The following TENM2 variants were observed in gnomAD, a reference collection of about 807,000 sequenced individuals.
TENM2 encodes the protein teneurin-2.
TENM2 carries 52 observed loss-of-function variants against 245.2 expected under a neutral mutation model. The ratio of observed to expected loss-of-function variants is 0.21; its 90% CI spans 0.17 to 0.27. The LOEUF is 0.27. Ranked by LOEUF, TENM2 falls within the 10% of genes least tolerant of loss-of-function variation. The probability of loss-of-function intolerance (pLI) is 1.00; values close to 1 mark genes in which losing one functional copy is unlikely to be tolerated. For synonymous variants in TENM2, 1,363 were observed against 1,438.9 expected (o/e 0.95, Z 1.19); for missense variants, 3,046 against 3,666.8 (o/e 0.83, Z 4.37).
chr5:167,316,976 A>C, intron 1 of TENM2, among the ~76,000 whole-genome samples: 1 of 152,090 alleles, frequency 6.6e-6, no homozygotes, highest in East Asian at 1.9e-4. Flanking sequence ...ACACCCCCTA[A>C]TACCAATGTC....
chr5:167,601,194 T>A (rs887082982), intron 2 of TENM2, among the ~76,000 whole-genome samples: 32 of 152,360 alleles, frequency 2.1e-4, no homozygotes, highest in African/African-American at 7.2e-4. Flanking sequence ...CCTGGTATAA[T>A]AGATGCTTGC....
chr5:167,454,687 A>C (rs1329927687), intron 2 of TENM2, among the ~76,000 whole-genome samples: 1 of 151,928 alleles, frequency 6.6e-6, no homozygotes, highest in Non-Finnish European at 1.5e-5. Context: ...ATTTTCCTCT[A>C]TATTACCTTT....
At chr5:168,030,216 T>C (rs1317860146) in intron 5 of TENM2, among the ~76,000 whole-genome samples, 1 of 142,144 alleles carries the variant, frequency 7.0e-6, no homozygotes, top group Non-Finnish European at 1.5e-5. Context: ...TGAATATCTC[T>C]TTTCCATATT....
chr5:168,126,118 T>C (rs1795830710), intron 11 of TENM2, among the ~76,000 whole-genome samples: 1 of 152,186 alleles, frequency 6.6e-6, no homozygotes, highest in Non-Finnish European at 1.5e-5. Flanking sequence ...TTGAGCTCCT[T>C]TGAGAAAGAA....
chr5:167,665,706 A>G (rs1364362671), intron 2 of TENM2, among the ~76,000 whole-genome samples: 2 of 152,154 alleles, frequency 1.3e-5, no homozygotes, highest in Non-Finnish European at 2.9e-5. Flanking sequence ...ATTTTTGCCA[A>G]AAAACAAAAC....
chr5:167,644,578 G>A (rs1274619939), intron 2 of TENM2, among the ~76,000 whole-genome samples: 3 of 152,274 alleles, frequency 2.0e-5, no homozygotes, highest in Non-Finnish European at 4.4e-5. Context: ...CAGACATTAC[G>A]AGGCTGGAAT....
intron 7 of TENM2, among the ~76,000 whole-genome samples, chr5:168,077,076 C>G (rs1791544576): frequency 6.6e-6 from 1 of 152,108 alleles, no homozygotes; most frequent in South Asian, 2.1e-4. Context: ...TCCTCATATG[C>G]AAAACAGGAA....
At chr5:167,012,628 G>T in the TENM2 span, among the ~76,000 whole-genome samples, 1 of 152,182 alleles carries the variant, frequency 6.6e-6, no homozygotes, top group Non-Finnish European at 1.5e-5. Context: ...GGATTCCAAG[G>T]CTGCCATGGA....
chr5:167,661,392 A>G (rs1755196863), intron 2 of TENM2, among the ~76,000 whole-genome samples: 1 of 152,188 alleles, frequency 6.6e-6, no homozygotes, highest in African/African-American at 2.4e-5. Flanking sequence ...AAGAAAATCT[A>G]TTTTTAGAAG....
chr5:167,595,173 T>C (rs1776118932), intron 2 of TENM2, among the ~76,000 whole-genome samples: 1 of 152,082 alleles, frequency 6.6e-6, no homozygotes, highest in South Asian at 2.1e-4. Context: ...AGCCTCTCAC[T>C]TATTAAAAAG....
intron 2 of TENM2, among the ~76,000 whole-genome samples, chr5:167,472,913 A>T (rs1207234748): frequency 1.3e-5 from 2 of 152,216 alleles, no homozygotes; most frequent in Admixed American, 1.3e-4. Flanking sequence ...TCCCAAGAAC[A>T]GCTGTGACTT....
chr5:167,197,990 C>CA, the TENM2 span, among the ~76,000 whole-genome samples: 1 of 151,774 alleles, frequency 6.6e-6, no homozygotes, highest in Non-Finnish European at 1.5e-5. Context: ...TCAAGGAAGA[C>CA]AGAGATTTGT....
At chr5:168,011,866 T>C (rs900935318) in intron 5 of TENM2, among the ~76,000 whole-genome samples, 4 of 152,270 alleles carry the variant, frequency 2.6e-5, no homozygotes, top group Non-Finnish European at 4.4e-5. Flanking sequence ...AAACCTACTA[T>C]GTGCAGAAAC....
chr5:167,019,523 T>C, the TENM2 span, among the ~76,000 whole-genome samples: 1 of 152,040 alleles, frequency 6.6e-6, no homozygotes, highest in Non-Finnish European at 1.5e-5. Flanking sequence ...CAGGCTGGAG[T>C]GCAGTGGCGC....
At chr5:167,261,330 T>A in the TENM2 span, among the ~76,000 whole-genome samples, 1 of 152,142 alleles carries the variant, frequency 6.6e-6, no homozygotes, top group South Asian at 2.1e-4. Flanking sequence ...TTTCTTAACC[T>A]CTTACAATCT....
chr5:167,299,296 T>C (rs1755164132), intron 1 of TENM2, among the ~76,000 whole-genome samples: 2 of 152,204 alleles, frequency 1.3e-5, no homozygotes, highest in South Asian at 4.1e-4. Context: ...TGAGGAATTA[T>C]GTCTGACAGA....
chr5:167,871,636 C>T (rs1772836712), intron 2 of TENM2, among the ~76,000 whole-genome samples: 1 of 152,170 alleles, frequency 6.6e-6, no homozygotes, highest in Admixed American at 6.5e-5. Context: ...AGACATATTG[C>T]TGCCTTTGCC....
At chr5:167,950,939 A>G (rs958043462) in intron 3 of TENM2, among the ~76,000 whole-genome samples, 1 of 152,208 alleles carries the variant, frequency 6.6e-6, no homozygotes, top group Non-Finnish European at 1.5e-5. Flanking sequence ...GGTATTTCCC[A>G]CTGGGTTTTT....
the TENM2 span, among the ~76,000 whole-genome samples, chr5:167,035,793 G>A: frequency 6.6e-6 from 1 of 152,220 alleles, no homozygotes; most frequent in East Asian, 1.9e-4. Context: ...AGGCTGGAGT[G>A]CAGTGGCACT....
Sources: gnomAD v4.1 joint callset for allele counts (sites outside exome capture counted in the v4.1 genomes callset) on GRCh38, gnomAD v4.1.1 for gene constraint, MANE v1.5 for transcripts, NCBI Gene and HGNC (gene_info 2026-07-23, HGNC 2026-07-21) for gene names.